Variants in CCDC88A observed in about 807,000 individuals in gnomAD.
CCDC88A encodes coiled-coil and HOOK domain protein 88A, also known as girdin.
In CCDC88A, 54 loss-of-function variants were observed where a neutral mutation model predicts 234.3. That is an observed-to-expected ratio of 0.23 (90% confidence interval 0.19 to 0.29). The LOEUF (loss-of-function observed/expected upper bound fraction) is 0.29. CCDC88A is among the 10% of genes least tolerant of loss of function. The probability of loss-of-function intolerance (pLI) is 1.00; values close to 1 mark genes in which losing one functional copy is unlikely to be tolerated. For synonymous variants in CCDC88A, 753 were observed against 737.8 expected, an observed-to-expected ratio of 1.02 and a Z score of -0.33; for missense variants, 1,832 against 2,123.4, an observed-to-expected ratio of 0.86 and a Z score of 2.70.
Position 55,418,997 on chromosome 2 carries a change from A to C in CCDC88A, c.63+20T>G. On this transcript the variant is annotated intron_variant, in intron 1 of 32. Coordinates refer to ENST00000436346, the MANE Select transcript of CCDC88A (RefSeq NM_001365480.1). ...CACAAATAACTCAGCAAAATATACA[A>C]TAAAGGACACCCCACTTACCCAAGT... is the stretch of plus-strand genomic sequence containing the variant. The C allele has an allele frequency of 6.2e-7, 1 of 1,607,850 alleles. No homozygotes were observed. Among genetic ancestry groups the C allele is most frequent in the Non-Finnish European group, 8.5e-7 (1 of 1,174,242 alleles).
Position 55,419,203 on chromosome 2 carries a change from C to A in CCDC88A, c.-124G>T, listed in dbSNP as rs1681946911. 1.5e-6 allele frequency: 1 copy of A among 656,768 alleles called. No individual in the cohort carries two copies. Among genetic ancestry groups the A allele is most frequent in the Non-Finnish European group, 2.7e-6 (1 of 370,720 alleles). The allele number at this position is 656,768 out of a possible 1,614,324, so 40.7% of individuals were successfully genotyped here. ...TTTCGGCAAGGGAGAAAAATCCCAT[C>A]GTGGAGGAGGGGGGCACTCTCCCTC... On this transcript the variant is annotated 5_prime_UTR_variant, in exon 1 of 33. Coordinates refer to ENST00000436346, the MANE Select transcript of CCDC88A (RefSeq NM_001365480.1).
chr2:55,384,779 C>T (rs1358565819), intron 3 of CCDC88A, among the ~76,000 whole-genome samples: 1 of 151,348 alleles, frequency 6.6e-6, no homozygotes, highest in Non-Finnish European at 1.5e-5. Flanking sequence ...GCCTCAGCCT[C>T]CCAAGTTGCT....
chr2:55,292,403 T>G (rs1453684760), intron 31 of CCDC88A: 8 of 152,142 alleles, frequency 5.3e-5, no homozygotes, highest in African/African-American at 1.9e-4. Flanking sequence ...TGAGTCAGAG[T>G]TGTTTCACTT....
At chr2:55,366,560 C>T (rs1036290125) in intron 5 of CCDC88A, among the ~76,000 whole-genome samples, 8 of 151,168 alleles carry the variant, frequency 5.3e-5, no homozygotes, top group Non-Finnish European at 1.2e-4. Context: ...CACACACACA[C>T]ACACACACAC....
At chr2:55,322,987 C>G (rs1683820239) in intron 17 of CCDC88A, 1 of 201,358 alleles carries the variant, frequency 5.0e-6, no homozygotes, top group Non-Finnish European at 9.8e-6. Flanking sequence ...ACTAACAATT[C>G]TTTTTACAGC....
intron 15 of CCDC88A, among the ~76,000 whole-genome samples, chr2:55,333,463 G>A (rs932375008): frequency 1.1e-4 from 16 of 152,106 alleles, no homozygotes; most frequent in African/African-American, 3.9e-4. Context: ...AACCTGATTT[G>A]CATTCTCTGG....
intron 31 of CCDC88A, 156 bp downstream of exon 31, chr2:55,295,441 G>C: frequency 6.4e-7 from 1 of 1,554,446 alleles, no homozygotes; most frequent in Non-Finnish European, 8.7e-7. Flanking sequence ...GCAAAAGTTT[G>C]GTTTAGAAAA....
chr2:55,328,614 TA>T lies in CCDC88A; in HGVS notation c.2856-180del. 2.4e-6 allele frequency: 1 copy of T among 416,576 alleles called. No homozygotes were observed. The highest frequency in any genetic ancestry group is 4.1e-5 in the East Asian group (1 of 24,668). 25.8% of individuals were successfully genotyped at this position (416,576 alleles called of 1,614,324 possible). A position where few individuals can be genotyped will look rare whatever the true frequency, so the allele number is the denominator to read the frequency against. Reference sequence around the variant, plus strand: ...ATTCTCCCTTTAAAACTAATCCTGGTAATGAAGCAACAAAATCATTGAGTGA... The same window carrying T: ...ATTCTCCCTTTAAAACTAATCCTGGTATGAAGCAACAAAATCATTGAGTGA... On this transcript the variant is annotated intron_variant, in intron 16 of 32. Coordinates refer to ENST00000436346, the MANE Select transcript of CCDC88A (RefSeq NM_001365480.1). The surrounding 1 kb of genome is among the most constrained non-coding windows in gnomAD (Gnocchi z 4.3).
Position 55,296,350 on chromosome 2 carries a change from G to T in CCDC88A, c.4999C>A (p.Arg1667=), listed in dbSNP as rs1409064207. 2 of 1,613,932 alleles carry T rather than the reference G, an allele frequency of 1.2e-6. No individual in the cohort carries two copies. Among genetic ancestry groups the T allele is most frequent in the Admixed American group, 1.7e-5 (1 of 59,998 alleles). The change falls in exon 30 of 33, where the codon CGA becomes AGA. Residue 1667 remains arginine, a synonymous_variant. Coordinates refer to ENST00000436346, the MANE Select transcript of CCDC88A (RefSeq NM_001365480.1). The stretch of plus-strand genomic sequence containing the variant: ...GAACCAGTTTTGATCTTGTGATGTC[G>T]ACTCTCCAGTGTTTCAGATATTTTG... ...QHKISETLES[R]HHKIKTGSPG...
chr2:55,384,622 T>TATGTATGTATGTGTATATATACAC lies in CCDC88A; in HGVS notation c.273+4155_273+4156insGTGTATATATACACATACATACAT, dbSNP rs1675260832. ...ATACGTATATATGTGTATATATACG[T>TATGTATGTATGTGTATATATACAC]ATATATATGTATATATGTGTATATA... On this transcript the variant is annotated intron_variant, in intron 3 of 32. Transcript: ENST00000436346. Among the ~76,000 whole-genome samples, 2 of 26,286 alleles carry TATGTATGTATGTGTATATATACAC rather than the reference T, an allele frequency of 7.6e-5. 1 individual carries two copies. The highest frequency in any genetic ancestry group is 6.9e-4 in the African/African-American group (2 of 2,914). The allele number at this position is 26,286 out of a possible 152,430, so 17.2% of individuals were successfully genotyped here.
At chr2:55,412,610 TG>T (rs1420528876) in intron 2 of CCDC88A, among the ~76,000 whole-genome samples, 1 of 152,212 alleles carries the variant, frequency 6.6e-6, no homozygotes, top group African/African-American at 2.4e-5. Flanking sequence ...AGTTTCATCC[TG>T]AAACCATCTC....
Position 55,322,698 on chromosome 2 carries a change from AT to A in CCDC88A, c.2998-7del. 1.4e-6 allele frequency: 2 copies of A among 1,461,264 alleles called. No homozygotes were observed. The highest frequency in any genetic ancestry group is 1.8e-6 in the Non-Finnish European group (2 of 1,083,442). 90.5% of individuals were successfully genotyped at this position (1,461,264 alleles called of 1,614,324 possible). A position where few individuals can be genotyped will look rare whatever the true frequency, so the allele number is the denominator to read the frequency against. On this transcript the variant is annotated splice_region_variant and splice_polypyrimidine_tract_variant and intron_variant, in intron 17 of 32. Transcript: ENST00000436346. ...GCTTCATAATTTTTTTTCACCTAAAATTTTATTTAAAATATTTTAATGGGGA... is the reference window on the plus strand; with the variant it reads ...GCTTCATAATTTTTTTTCACCTAAAATTTATTTAAAATATTTTAATGGGGA...
chr2:55,384,620 CGT>C (rs776596327), intron 3 of CCDC88A, among the ~76,000 whole-genome samples: 612 of 43,432 alleles, frequency 0.014, 217 homozygotes, highest in African/African-American at 0.063. Flanking sequence ...TGTATATATA[CGT>C]ATATATATGT....
At chr2:55,376,589 A>G (rs1369662693) in intron 3 of CCDC88A, among the ~76,000 whole-genome samples, 2 of 152,178 alleles carry the variant, frequency 1.3e-5, no homozygotes, top group Non-Finnish European at 2.9e-5. Flanking sequence ...CCTCAGTATT[A>G]TATTAGCTCT....
intron 13 of CCDC88A, among the ~76,000 whole-genome samples, chr2:55,338,416 A>G (rs944663999): frequency 2.0e-5 from 3 of 152,236 alleles, no homozygotes; most frequent in African/African-American, 7.2e-5. Context: ...AACTTCTTAG[A>G]AACAATTCTT....
intron 29 of CCDC88A, among the ~76,000 whole-genome samples, chr2:55,297,997 G>C (rs1435991289): frequency 6.6e-6 from 1 of 152,060 alleles, no homozygotes; most frequent in Non-Finnish European, 1.5e-5. Flanking sequence ...TCATCTTATT[G>C]TTCTTGCTGT....
In CCDC88A at chr2:55,335,563, A is replaced by G. The variant is rs780274000; in HGVS notation, c.1657-399T>C. 1.1e-4 allele frequency among the ~76,000 whole-genome samples: 17 copies of G among 152,306 alleles called. 1 individual carries two copies. Among genetic ancestry groups the G allele is most frequent in the Non-Finnish European group, 5.9e-5 (4 of 68,022 alleles). On this transcript the variant is annotated intron_variant, in intron 14 of 32. Coordinates refer to ENST00000436346, the MANE Select transcript of CCDC88A (RefSeq NM_001365480.1). This position sits in a 1 kb window ranked among gnomAD's most constrained non-coding sequence, Gnocchi z 4.5. ...CTACTTTTACTAAGTAACCTTTGCA[A>G]TGCCTACAGTGGGTCCTCAGTAAAT...
At chr2:55,357,763 T>C (rs1670785885) in intron 7 of CCDC88A, among the ~76,000 whole-genome samples, 1 of 152,156 alleles carries the variant, frequency 6.6e-6, no homozygotes, top group South Asian at 2.1e-4. Flanking sequence ...ATCCTCACAA[T>C]ACATTTCAGC....
chr2:55,366,079 A>G (rs1671898775), intron 5 of CCDC88A, among the ~76,000 whole-genome samples: 1 of 152,200 alleles, frequency 6.6e-6, no homozygotes, highest in South Asian at 2.1e-4. Flanking sequence ...AAGACTAAAT[A>G]ATATCAGCAA....
Sources: gnomAD v4.1 joint callset for allele counts (sites outside exome capture counted in the v4.1 genomes callset) on GRCh38, gnomAD v4.1.1 for gene constraint, Gnocchi (gnomAD v3.1) non-coding constraint, MANE v1.5 for transcripts, NCBI Gene and HGNC (gene_info 2026-07-23, HGNC 2026-07-21) for gene names.